Variants in NFE2L2 observed in about 807,000 individuals in gnomAD.
NFE2L2 encodes nuclear factor erythroid 2-related factor 2.
In NFE2L2, 20 loss-of-function variants were observed where a neutral mutation model predicts 49.6. That is an observed-to-expected ratio of 0.40 (90% CI 0.28 to 0.59). NFE2L2 has a LOEUF of 0.59. NFE2L2 is among the 20% of genes least tolerant of loss of function. The pLI, the probability that NFE2L2 is intolerant of heterozygous loss-of-function variation, is 0.40. For synonymous variants in NFE2L2, 244 were observed against 256.5 expected (o/e 0.95, Z 0.47); for missense variants, 578 against 714.2 (o/e 0.81, Z 2.17).
At chr2:177,239,654 G>T (rs1689875507) in intron 1 of NFE2L2, among the ~76,000 whole-genome samples, 1 of 152,112 alleles carries the variant, frequency 6.6e-6, no homozygotes, top group Non-Finnish European at 1.5e-5. Context: ...TCCAGCCTGG[G>T]TAACAAAGTG....
chr2:177,264,650 G>A lies in NFE2L2; in HGVS notation c.-74C>T. 2.3e-6 allele frequency: 3 copies of A among 1,319,700 alleles called. No individual in the cohort carries two copies. The highest frequency in any genetic ancestry group is 2.0e-6 in the Non-Finnish European group (2 of 1,025,216). 81.7% of individuals were successfully genotyped at this position (1,319,700 alleles called of 1,614,324 possible). A position where few individuals can be genotyped will look rare whatever the true frequency, so the allele number is the denominator to read the frequency against. On this transcript the variant is annotated 5_prime_UTR_variant, in exon 1 of 5. Transcript: ENST00000397062. ...CGGCTGCCGAGGCGCGGCGCGGACA[G>A]GGCGGCTCTGGTGGCGGCGGCGGCG... is the stretch of plus-strand genomic sequence containing the variant.
chr2:177,247,684 CA>C (rs57701650), intron 1 of NFE2L2, among the ~76,000 whole-genome samples: 586 of 56,328 alleles, frequency 0.01, 4 homozygotes, highest in African/African-American at 0.024. Context: ...CCCCACCCCG[CA>C]AAAAAAAAAA....
chr2:177,255,971 T>C (rs1690504304), intron 1 of NFE2L2: 3 of 154,558 alleles, frequency 1.9e-5, no homozygotes, highest in South Asian at 2.0e-4. Flanking sequence ...AAAACTCTCA[T>C]TTTTTAAGGA....
chr2:177,246,728 T>C (rs552637492), intron 1 of NFE2L2, among the ~76,000 whole-genome samples: 57 of 151,218 alleles, frequency 3.8e-4, no homozygotes, highest in African/African-American at 1.2e-3. Flanking sequence ...GCCTCCTGAA[T>C]AGCTGAGATT....
rs1457105694 is a variant in NFE2L2, at chr2:177,264,513, C to G, written c.45+19G>C. 6 of 1,524,018 alleles carry G rather than the reference C, an allele frequency of 3.9e-6. No homozygotes were observed. Among genetic ancestry groups the G allele is most frequent in the South Asian group, 1.2e-5 (1 of 81,624 alleles). The allele number at this position is 1,524,018 out of a possible 1,614,324, so 94.4% of individuals were successfully genotyped here. On this transcript the variant is annotated intron_variant, in intron 1 of 4. Coordinates refer to ENST00000397062, the MANE Select transcript of NFE2L2 (RefSeq NM_006164.5). ...CCCGTCCCGGCACCACCGCAGGGCC[C>G]AGAGGGCCGAGGCAGCACCTGCTGG...
At chr2:177,246,382 T>C (rs760804366) in intron 1 of NFE2L2, among the ~76,000 whole-genome samples, 14 of 152,190 alleles carry the variant, frequency 9.2e-5, no homozygotes, top group Admixed American at 2.0e-4. Context: ...TTTTTAAAAA[T>C]AGATACCAGG....
intron 2 of NFE2L2, 132 bp downstream of exon 2, chr2:177,233,873 G>T (rs1018078707): frequency 2.5e-6 from 3 of 1,221,012 alleles, no homozygotes; most frequent in African/African-American, 3.1e-5. Context: ...AGGAGGCTGA[G>T]GTTGGAAAGT....
At chr2:177,259,803 G>A (rs553775380) in intron 1 of NFE2L2, among the ~76,000 whole-genome samples, 1 of 152,068 alleles carries the variant, frequency 6.6e-6, no homozygotes, top group Admixed American at 6.5e-5. Flanking sequence ...GTGGTGGCGG[G>A]TGCCTGTAGT....
Position 177,230,979 on chromosome 2 carries a change from CTTT to C in NFE2L2, c.1621_1623del (p.Lys541del). 1 of 1,609,056 alleles carries C rather than the reference CTTT, an allele frequency of 6.2e-7. No individual in the cohort carries two copies. The highest frequency in any genetic ancestry group is 8.5e-7 in the Non-Finnish European group (1 of 1,178,846). On this transcript the variant is annotated inframe_deletion, in exon 5 of 5. Coordinates refer to ENST00000397062, the MANE Select transcript of NFE2L2 (RefSeq NM_006164.5). Reference sequence around the variant, plus strand: ...AGGCTTTTGTCATTTTCTCCTTTTTCTTTGAGCAATTTTTCTTTTTCATCTTTC... The same window carrying C: ...AGGCTTTTGTCATTTTCTCCTTTTTCGAGCAATTTTTCTTTTTCATCTTTC...
At chr2:177,262,519 G>T (rs751955371) in intron 1 of NFE2L2, among the ~76,000 whole-genome samples, 3 of 152,202 alleles carry the variant, frequency 2.0e-5, no homozygotes, top group Non-Finnish European at 4.4e-5. Context: ...AATCTTTATG[G>T]ATGACAACAA....
At position 177,251,478 on chromosome 2, in the gene NFE2L2, A is replaced by G. The variant is rs1046570070; in HGVS notation, c.45+13054T>C. 4.6e-5 allele frequency among the ~76,000 whole-genome samples: 7 copies of G among 152,180 alleles called. No homozygotes were observed. In the East Asian group the frequency reaches 7.7e-4, roughly 17 times the overall value. ...CCTATGAGATGGTTTAACAATCCTC[A>G]TAAGTACAAGGAATCCAGCAGACAG... On this transcript the variant is annotated intron_variant, in intron 1 of 4. Coordinates refer to ENST00000397062, the MANE Select transcript of NFE2L2 (RefSeq NM_006164.5).
At chr2:177,239,842 T>A (rs1030353332) in intron 1 of NFE2L2, among the ~76,000 whole-genome samples, 1 of 152,122 alleles carries the variant, frequency 6.6e-6, no homozygotes, top group Non-Finnish European at 1.5e-5. Context: ...AGGTTTATTG[T>A]TATGGCCTTA....
At chr2:177,258,555 A>G (rs1690615229) in intron 1 of NFE2L2, among the ~76,000 whole-genome samples, 1 of 152,248 alleles carries the variant, frequency 6.6e-6, no homozygotes, top group Non-Finnish European at 1.5e-5. Flanking sequence ...CTAAATTCAT[A>G]GGGTTGCATA....
chr2:177,245,412 T>G (rs1690089787), intron 1 of NFE2L2, among the ~76,000 whole-genome samples: 1 of 152,210 alleles, frequency 6.6e-6, no homozygotes, highest in Non-Finnish European at 1.5e-5. Context: ...CCAAGTTATT[T>G]GGCAGAGGGA....
At chr2:177,232,678 A>C (rs1338870693) in intron 3 of NFE2L2, 95 bp from the exon 4 acceptor site, 2 of 1,230,128 alleles carry the variant, frequency 1.6e-6, no homozygotes, top group Admixed American at 2.2e-5. Context: ...AATCAGCTGC[A>C]GTTCTGTGTC....
At chr2:177,247,694 A>G (rs908823684) in intron 1 of NFE2L2, among the ~76,000 whole-genome samples, 2 of 151,936 alleles carry the variant, frequency 1.3e-5, no homozygotes, top group African/African-American at 4.8e-5. Context: ...CAAAAAAAAA[A>G]AAAAAAAAGA....
In NFE2L2 at chr2:177,232,598, G is replaced by A. The variant is rs2105455717; in HGVS notation, c.403-15C>T. 6.2e-7 allele frequency: 1 copy of A among 1,612,160 alleles called. No homozygotes were observed. Among genetic ancestry groups the A allele is most frequent in the Non-Finnish European group, 8.5e-7 (1 of 1,178,598 alleles). ...GCCGAAGAAACCTAAAATTGATAAG[G>A]CATTGATTTATGAGTCTTCCACCAA... On this transcript the variant is annotated splice_polypyrimidine_tract_variant and intron_variant, in intron 3 of 4. Transcript: ENST00000397062.
intron 1 of NFE2L2, among the ~76,000 whole-genome samples, chr2:177,253,285 T>C (rs1233453148): frequency 6.6e-6 from 1 of 152,208 alleles, no homozygotes; most frequent in Non-Finnish European, 1.5e-5. Context: ...TTATATTAAA[T>C]ATCAAGCTCC....
chr2:177,232,329 T>C, intron 4 of NFE2L2, 63 bp downstream of exon 4: 1 of 1,434,176 alleles, frequency 7.0e-7, no homozygotes, highest in Non-Finnish European at 9.4e-7. Context: ...ATATAAATAA[T>C]CAGAATGACT....
Sources: gnomAD v4.1 joint callset for allele counts (sites outside exome capture counted in the v4.1 genomes callset) on GRCh38, gnomAD v4.1.1 for gene constraint, MANE v1.5 for transcripts, NCBI Gene and HGNC (gene_info 2026-07-23, HGNC 2026-07-21) for gene names.